The following EDA variants were observed in gnomAD, a reference collection of about 807,000 sequenced individuals.
EDA encodes ectodysplasin-A.
A neutral mutation model predicts 23.6 loss-of-function variants in EDA; 2 were observed. The observed-to-expected ratio is 0.08, with a 90% CI of 0.03 to 0.27. EDA has a LOEUF of 0.27. Among genes scored for constraint, EDA ranks in the 10% least tolerant of loss-of-function variants. EDA has a pLI of 1.00. For synonymous variants in EDA, 131 were observed against 132.0 expected (o/e 0.99, Z 0.05); for missense variants, 229 against 324.2 (o/e 0.71, Z 2.26).
chrX:69,697,005 A>G (rs1402465438), intron 1 of EDA, among the ~76,000 whole-genome samples: 2 of 111,913 alleles, frequency 1.8e-5, no homozygotes, highest in Non-Finnish European at 3.8e-5. Flanking sequence ...GGTGAGTACA[A>G]TATAATGAGA....
intron 1 of EDA, among the ~76,000 whole-genome samples, chrX:69,690,452 G>T (rs1011780220): frequency 9.0e-6 from 1 of 111,174 alleles, no homozygotes; most frequent in Non-Finnish European, 1.9e-5. Context: ...TTGATTTTCT[G>T]ATATTAATCC....
chrX:69,901,424 G>A (rs2018097084), intron 1 of EDA, among the ~76,000 whole-genome samples: 1 of 112,024 alleles, frequency 8.9e-6, no homozygotes, highest in African/African-American at 3.2e-5. Context: ...GTTAATTACA[G>A]GTTAAGAAGA....
intron 1 of EDA, among the ~76,000 whole-genome samples, chrX:69,658,268 C>T (rs927935113): frequency 1.0e-5 from 1 of 99,607 alleles, no homozygotes; most frequent in South Asian, 4.9e-4. Context: ...AATGGAATTG[C>T]ATTCTTGATT....
At chrX:69,873,197 A>C (rs778251739) in intron 1 of EDA, among the ~76,000 whole-genome samples, 12 of 111,887 alleles carry the variant, frequency 1.1e-4, no homozygotes, top group Admixed American at 3.8e-4. Flanking sequence ...CTTTGCACTA[A>C]ACAATAATAG....
At chrX:69,721,254 T>G (rs907660172) in intron 1 of EDA, among the ~76,000 whole-genome samples, 1 of 112,103 alleles carries the variant, frequency 8.9e-6, no homozygotes, top group Non-Finnish European at 1.9e-5. Context: ...CACTCTAGTC[T>G]TCCTCCAAAA....
chrX:69,730,267 A>G (rs1482004210), intron 1 of EDA, among the ~76,000 whole-genome samples: 2 of 111,936 alleles, frequency 1.8e-5, no homozygotes, highest in Admixed American at 9.5e-5. Flanking sequence ...TCAGTGTATT[A>G]GGTGCTCAAT....
At chrX:69,875,575 C>G (rs2017630763) in intron 1 of EDA, among the ~76,000 whole-genome samples, 1 of 111,558 alleles carries the variant, frequency 9.0e-6, no homozygotes, top group South Asian at 3.8e-4. Context: ...TTGGCTTAGG[C>G]AAATTTACTT....
intron 1 of EDA, among the ~76,000 whole-genome samples, chrX:69,792,324 G>T (rs1414514961): frequency 8.9e-6 from 1 of 112,141 alleles, no homozygotes; most frequent in African/African-American, 3.2e-5. Context: ...GATGAGTGGT[G>T]TTCCATGGTG....
At chrX:69,664,951 T>A (rs1390883651) in intron 1 of EDA, among the ~76,000 whole-genome samples, 1 of 112,063 alleles carries the variant, frequency 8.9e-6, no homozygotes, top group African/African-American at 3.2e-5. Flanking sequence ...AGTTCTCTTT[T>A]CTCCATGCCT....
chrX:69,727,175 C>T (rs183007887), intron 1 of EDA, among the ~76,000 whole-genome samples: 1 of 111,703 alleles, frequency 9.0e-6, no homozygotes, highest in East Asian at 2.8e-4. Flanking sequence ...CTCCTCTCGA[C>T]GACTTTCAGA....
intron 1 of EDA, among the ~76,000 whole-genome samples, chrX:69,853,668 A>T (rs1433840445): frequency 8.9e-6 from 1 of 112,517 alleles, no homozygotes; most frequent in Non-Finnish European, 1.9e-5. Flanking sequence ...GAAGAAAGAC[A>T]ACTAAACTCA....
At chrX:69,637,356 AAAG>A (rs1427384089) in intron 1 of EDA, among the ~76,000 whole-genome samples, 4 of 111,440 alleles carry the variant, frequency 3.6e-5, no homozygotes, top group African/African-American at 1.3e-4. Context: ...ATTAGAGATC[AAAG>A]AAGGACTCTG....
chrX:69,911,785 A>G (rs1009755947), intron 1 of EDA, among the ~76,000 whole-genome samples: 9 of 112,396 alleles, frequency 8.0e-5, no homozygotes, highest in Non-Finnish European at 1.7e-4. Flanking sequence ...AAATGCTACC[A>G]ATCAGCTGAG....
chrX:69,692,014 C>T (rs1049836436), intron 1 of EDA, among the ~76,000 whole-genome samples: 1 of 111,476 alleles, frequency 9.0e-6, no homozygotes, highest in African/African-American at 3.3e-5. Context: ...GAAATAAGAA[C>T]ATTTCTTCCA....
intron 1 of EDA, among the ~76,000 whole-genome samples, chrX:69,681,089 T>G (rs1372274912): frequency 9.0e-6 from 1 of 110,747 alleles, no homozygotes; most frequent in African/African-American, 3.3e-5. Flanking sequence ...GAAGCTTAGT[T>G]TGGCTGGATA....
intron 1 of EDA, among the ~76,000 whole-genome samples, chrX:69,659,595 C>T (rs1335819915): frequency 1.8e-5 from 2 of 112,165 alleles, no homozygotes; most frequent in African/African-American, 3.2e-5. Flanking sequence ...GCAATCATTA[C>T]ACAAATGACA....
intron 1 of EDA, among the ~76,000 whole-genome samples, chrX:69,738,842 T>C (rs1461526354): frequency 2.7e-5 from 3 of 110,792 alleles, no homozygotes; most frequent in African/African-American, 6.5e-5. Flanking sequence ...TCCATTGTAG[T>C]CAGAAAACAT....
At chrX:69,710,809 A>G (rs1287942402) in intron 1 of EDA, among the ~76,000 whole-genome samples, 1 of 109,272 alleles carries the variant, frequency 9.2e-6, no homozygotes, top group Non-Finnish European at 1.9e-5. Flanking sequence ...TTATTGGTGT[A>G]TAAGAATGCT....
chrX:69,683,497 ATCTTTC>A (rs1241137960), intron 1 of EDA, among the ~76,000 whole-genome samples: 1 of 111,297 alleles, frequency 9.0e-6, no homozygotes, highest in Non-Finnish European at 1.9e-5. Flanking sequence ...TGATTTTCTG[ATCTTTC>A]TCCCCAAGCT....
Sources: gnomAD v4.1 joint callset for allele counts (sites outside exome capture counted in the v4.1 genomes callset) on GRCh38, gnomAD v4.1.1 for gene constraint, MANE v1.5 for transcripts, NCBI Gene and HGNC (gene_info 2026-07-23, HGNC 2026-07-21) for gene names.